The following ALDH8A1 variants were observed in gnomAD, a reference collection of about 807,000 sequenced individuals.
ALDH8A1 encodes aldehyde dehydrogenase 8 family member A1, also known as 2-aminomuconic semialdehyde dehydrogenase.
A neutral mutation model predicts 43.3 loss-of-function variants in ALDH8A1; 39 were observed. The observed-to-expected ratio is 0.90, with a 90% CI of 0.70 to 1.18. The LOEUF is 1.18. ALDH8A1 is among the 50% of genes most tolerant of loss of function. ALDH8A1 has a pLI of 0.00. For synonymous variants in ALDH8A1, 233 were observed against 243.5 expected (o/e 0.96, Z 0.40); for missense variants, 605 against 622.6 (o/e 0.97, Z 0.30).
Position 134,943,914 on chromosome 6 carries a change from C to A in ALDH8A1, c.191G>T (p.Arg64Leu), listed in dbSNP as rs200812012. The change falls in exon 2 of 7, where the codon CGC (arginine) becomes CTC (leucine). Residue 64 changes from arginine to leucine, a missense_variant. Arg to Leu is a moderately radical substitution (Grantham distance 102, BLOSUM62 -2). Coordinates refer to ENST00000265605, the MANE Select transcript of ALDH8A1 (RefSeq NM_022568.4). ...AREAFPSWSSRSPQERSRVLN... is the reference protein window; with the variant it reads ...AREAFPSWSSLSPQERSRVLN... The stretch of plus-strand genomic sequence containing the variant: ...GACCCGTGAGCGCTCCTGGGGGCTG[C>A]GGGATGACCAGCTGGGAAAGGCTTC... The A allele has an allele frequency of 1.2e-6, 2 of 1,614,134 alleles. No individual in the cohort carries two copies. Among genetic ancestry groups the A allele is most frequent in the Admixed American group, 3.3e-5 (2 of 60,020 alleles).
At chr6:134,923,913 C>T (rs559605702) in intron 6 of ALDH8A1, among the ~76,000 whole-genome samples, 130 of 152,092 alleles carry the variant, frequency 8.5e-4, no homozygotes, top group Non-Finnish European at 1.5e-3. Context: ...GGGAAAGGGA[C>T]GAAAATTAGT....
Position 134,942,444 on chromosome 6 carries a change from C to T in ALDH8A1, c.407G>A (p.Cys136Tyr). ...CGGGGCCCGCACCGTGTAGTGCATG[C>T]AGCCCAGGTGGTCCATCTGCGTGCA... is the stretch of plus-strand genomic sequence containing the variant. ...SECTQMDHLG[C>Y]MHYTVRAPVG... Residue 136 changes from cysteine to tyrosine, a missense_variant, in exon 3 of 7, where the codon TGC becomes TAC. Coordinates refer to ENST00000265605, the MANE Select transcript of ALDH8A1 (RefSeq NM_022568.4). The T allele has an allele frequency of 6.2e-7, 1 of 1,614,068 alleles. No individual in the cohort carries two copies. The highest frequency in any genetic ancestry group is 8.5e-7 in the Non-Finnish European group (1 of 1,179,946).
chr6:134,917,701 C>G lies in ALDH8A1; in HGVS notation c.*714G>C, dbSNP rs1408745741. 1 of 152,136 alleles carries G rather than the reference C, an allele frequency of 6.6e-6. No individual in the cohort carries two copies. 9.4% of individuals were successfully genotyped at this position (152,136 alleles called of 1,614,324 possible). A position where few individuals can be genotyped will look rare whatever the true frequency, so the allele number is the denominator to read the frequency against. On this transcript the variant is annotated 3_prime_UTR_variant, in exon 7 of 7. Coordinates refer to ENST00000265605, the MANE Select transcript of ALDH8A1 (RefSeq NM_022568.4). ...ATTAGCCATGCTAGTGGCTAATAGA[C>G]AAGGAGATTATCTCCATAATCTCTC... is the stretch of plus-strand genomic sequence containing the variant.
intron 1 of ALDH8A1, among the ~76,000 whole-genome samples, chr6:134,944,653 T>G (rs1168268824): frequency 6.6e-6 from 1 of 151,908 alleles, no homozygotes; most frequent in African/African-American, 2.4e-5. Flanking sequence ...GGAGGCTGGG[T>G]TGGGAGGATC....
intron 6 of ALDH8A1, among the ~76,000 whole-genome samples, chr6:134,920,592 G>A (rs11962172): frequency 0.048 from 7,251 of 152,162 alleles, 576 homozygotes; most frequent in African/African-American, 0.16. Flanking sequence ...ATCATAAAAG[G>A]TAAAGGGAAG....
intron 5 of ALDH8A1, among the ~76,000 whole-genome samples, chr6:134,932,252 A>T (rs1366130783): frequency 6.6e-6 from 1 of 152,220 alleles, no homozygotes. Context: ...ACAGAGAAAC[A>T]TCTGTTATGT....
intron 5 of ALDH8A1, among the ~76,000 whole-genome samples, chr6:134,931,294 G>A (rs1200568976): frequency 6.6e-6 from 1 of 152,096 alleles, no homozygotes; most frequent in Non-Finnish European, 1.5e-5. Context: ...ATGGATTCTT[G>A]CTCTTATCTC....
intron 4 of ALDH8A1, among the ~76,000 whole-genome samples, chr6:134,938,989 C>T (rs1773801886): frequency 6.6e-6 from 1 of 152,108 alleles, no homozygotes; most frequent in Admixed American, 6.6e-5. Context: ...AGGCAGGTGT[C>T]TTTGATTTGA....
chr6:134,939,525 T>C, intron 3 of ALDH8A1, 110 bp from the exon 4 acceptor site: 1 of 1,304,344 alleles, frequency 7.7e-7, no homozygotes, highest in Non-Finnish European at 1.0e-6. Flanking sequence ...AAACTTAGCT[T>C]ACTCTTCTAA....
intron 5 of ALDH8A1, among the ~76,000 whole-genome samples, chr6:134,931,181 T>C (rs1283247419): frequency 4.6e-5 from 7 of 152,224 alleles, no homozygotes; most frequent in African/African-American, 1.4e-4. Context: ...GAAGGTTCTC[T>C]GGGCAAACTC....
intron 3 of ALDH8A1, among the ~76,000 whole-genome samples, chr6:134,940,920 A>G (rs1260924251): frequency 1.3e-5 from 2 of 152,248 alleles, no homozygotes; most frequent in African/African-American, 2.4e-5. Context: ...TAATTTCTGA[A>G]GGTTTCAAGT....
At chr6:134,923,751 A>C (rs1297854287) in intron 6 of ALDH8A1, among the ~76,000 whole-genome samples, 1 of 152,198 alleles carries the variant, frequency 6.6e-6, no homozygotes, top group Non-Finnish European at 1.5e-5. Flanking sequence ...CAGCTTCTGC[A>C]GCTGTGATGG....
intron 6 of ALDH8A1, among the ~76,000 whole-genome samples, chr6:134,925,802 A>ACCTTT (rs1165943598): frequency 3.3e-5 from 5 of 152,204 alleles, no homozygotes; most frequent in Non-Finnish European, 7.3e-5. Flanking sequence ...GTACCACTGT[A>ACCTTT]TATAGGGTAG....
At position 134,922,973 on chromosome 6, in the gene ALDH8A1, A is replaced by T. The variant is rs563436968; in HGVS notation, c.1012-4106T>A. 4.5e-4 allele frequency among the ~76,000 whole-genome samples: 68 copies of T among 152,060 alleles called. 1 individual carries two copies. The highest frequency in any genetic ancestry group is 1.5e-3 in the African/African-American group (63 of 41,490). ...AAAAACTGGGTGAGTGGTTATAAAA[A>T]CTCTCTGCCTTATCTTTGAAACATT... On this transcript the variant is annotated intron_variant, in intron 6 of 6. Transcript: ENST00000265605.
At chr6:134,930,393 C>T (rs1776963672) in intron 5 of ALDH8A1, among the ~76,000 whole-genome samples, 1 of 152,162 alleles carries the variant, frequency 6.6e-6, no homozygotes, top group Non-Finnish European at 1.5e-5. Context: ...ATCATTTGAA[C>T]ATAGCATGTA....
chr6:134,928,913 C>T, intron 6 of ALDH8A1, 141 bp downstream of exon 6: 1 of 836,486 alleles, frequency 1.2e-6, no homozygotes, highest in Non-Finnish European at 1.8e-6. Context: ...ACTCTGTGTC[C>T]ACAATTTCTC....
At chr6:134,940,175 G>A (rs543911359) in intron 3 of ALDH8A1, 7 of 360,688 alleles carry the variant, frequency 1.9e-5, no homozygotes, top group Admixed American at 1.1e-4. Context: ...CATGGCACAC[G>A]TTTACCTATG....
At chr6:134,936,033 C>A (rs1036339869) in intron 4 of ALDH8A1, among the ~76,000 whole-genome samples, 2 of 151,644 alleles carry the variant, frequency 1.3e-5, no homozygotes, top group African/African-American at 4.9e-5. Flanking sequence ...CTCTCTGCAA[C>A]CTCCGCCTCC....
intron 1 of ALDH8A1, 77 bp from the exon 2 acceptor site, chr6:134,944,043 G>A: frequency 6.7e-7 from 1 of 1,496,830 alleles, no homozygotes; most frequent in Non-Finnish European, 9.0e-7. Flanking sequence ...AGAATCCTCA[G>A]GTCTCCACAC....
Sources: allele counts gnomAD v4.1 joint callset (sites outside exome capture counted in the v4.1 genomes callset), GRCh38; gene constraint gnomAD v4.1.1; transcripts MANE v1.5; gene names NCBI Gene and HGNC (gene_info 2026-07-23, HGNC 2026-07-21).